Variants in WLS observed in about 807,000 individuals in gnomAD.
WLS encodes the protein protein wntless homolog.
WLS carries 23 observed loss-of-function variants against 62.8 expected under a neutral mutation model. The ratio of observed to expected loss-of-function variants is 0.37; its 90% CI spans 0.26 to 0.52. The LOEUF is 0.52. WLS is among the 20% of genes least tolerant of loss of function. The probability of loss-of-function intolerance (pLI) is 0.92; values close to 1 mark genes in which losing one functional copy is unlikely to be tolerated. For synonymous variants in WLS, 246 were observed against 244.1 expected (o/e 1.01, Z -0.07); for missense variants, 615 against 697.3 (o/e 0.88, Z 1.33).
At chr1:68,111,821 T>TG (rs757998993) in intron 11 of WLS, among the ~76,000 whole-genome samples, 17 of 152,298 alleles carry the variant, frequency 1.1e-4, no homozygotes, top group Non-Finnish European at 1.5e-4. Context: ...ATGTCCTGCT[T>TG]GGGGGGCTGC....
chr1:68,162,357 G>A (rs1022744067), intron 2 of WLS: 20 of 1,613,828 alleles, frequency 1.2e-5, no homozygotes, highest in Non-Finnish European at 5.1e-6. Flanking sequence ...TATGTTCGTT[G>A]AGATTGCAGT....
At chr1:68,122,311 G>T (rs1045226524), downstream of WLS, among the ~76,000 whole-genome samples, 1 of 152,146 alleles carries the variant, frequency 6.6e-6, no homozygotes, top group Non-Finnish European at 1.5e-5. Context: ...CCAAGGGCCC[G>T]ATCAGCTATG....
Position 68,151,351 on chromosome 1 carries a change from C to A in WLS, c.804-995G>T, listed in dbSNP as rs537855697. Among the ~76,000 whole-genome samples the A allele has an allele frequency of 6.6e-5, 10 of 152,216 alleles. No individual in the cohort carries two copies. The South Asian group carries it at 1.7e-3, about 25-fold the overall frequency. On this transcript the variant is annotated intron_variant, in intron 5 of 11. Transcript: ENST00000262348. ...CTGTGCTCATGAAGAAACTTGCATA[C>A]CCCACTGGAGAACTGAAATTTATCT...
At chr1:68,133,204 A>G (rs1646556405) in intron 11 of WLS, among the ~76,000 whole-genome samples, 1 of 152,234 alleles carries the variant, frequency 6.6e-6, no homozygotes, top group African/African-American at 2.4e-5. Context: ...AAATGATTAC[A>G]CATATAATTC....
chr1:68,106,953 G>A (rs72668865), intron 11 of WLS, among the ~76,000 whole-genome samples: 10,967 of 152,072 alleles, frequency 0.072, 512 homozygotes, highest in Non-Finnish European at 0.095. Flanking sequence ...CAACTAAGTC[G>A]GTATGCATTT....
At chr1:68,124,743 A>G (rs920308950), downstream of WLS, among the ~76,000 whole-genome samples, 24 of 152,160 alleles carry the variant, frequency 1.6e-4, no homozygotes, top group African/African-American at 5.8e-4. Flanking sequence ...ACTGCTTACC[A>G]CGCTTTAAGC....
At chr1:68,161,681 T>C in intron 2 of WLS, 1 of 1,094,370 alleles carries the variant, frequency 9.1e-7, no homozygotes, top group South Asian at 1.4e-5. Flanking sequence ...ATATTCTTTT[T>C]CTCTTAGTTC....
At chr1:68,155,472 C>T (rs140588400) in intron 3 of WLS, among the ~76,000 whole-genome samples, 2 of 152,310 alleles carry the variant, frequency 1.3e-5, no homozygotes, top group African/African-American at 2.4e-5. Flanking sequence ...CAACAAAAAA[C>T]AGCTGTATTC....
chr1:68,118,900 AAAG>A (rs1291550153), intron 11 of WLS, among the ~76,000 whole-genome samples: 16 of 145,410 alleles, frequency 1.1e-4, no homozygotes, highest in South Asian at 2.1e-4. Flanking sequence ...AAAAAAAAAA[AAAG>A]CACCTGGCCC....
chr1:68,137,971 G>A (rs1415309856), intron 10 of WLS, 38 bp from the exon 11 acceptor site: 9 of 1,608,042 alleles, frequency 5.6e-6, no homozygotes, highest in Non-Finnish European at 5.9e-6. Flanking sequence ...TTGAAACAGA[G>A]AAGAAACAGA....
intron 11 of WLS, among the ~76,000 whole-genome samples, chr1:68,129,970 T>C (rs561605524): frequency 6.6e-6 from 1 of 152,386 alleles, no homozygotes; most frequent in South Asian, 2.1e-4. Context: ...GATGACGGTC[T>C]ATTTCTTCCT....
chr1:68,208,299 C>G (rs1649366495), intron 1 of WLS, among the ~76,000 whole-genome samples: 1 of 152,232 alleles, frequency 6.6e-6, no homozygotes, highest in South Asian at 2.1e-4. Context: ...TTCCCCTCCT[C>G]TCTTCAGATA....
At chr1:68,173,832 A>G (rs1647190500) in intron 2 of WLS, among the ~76,000 whole-genome samples, 1 of 152,176 alleles carries the variant, frequency 6.6e-6, no homozygotes. Flanking sequence ...CATCCCCTGG[A>G]CACAAGTAAG....
intron 1 of WLS, among the ~76,000 whole-genome samples, chr1:68,215,966 CA>C (rs778250987): frequency 6.6e-6 from 1 of 152,172 alleles, no homozygotes; most frequent in Non-Finnish European, 1.5e-5. Flanking sequence ...AAACTCTGGA[CA>C]CCCTCAGCAG....
chr1:68,126,620 G>A (rs1284481539), intron 11 of WLS, among the ~76,000 whole-genome samples: 3 of 152,106 alleles, frequency 2.0e-5, no homozygotes, highest in Admixed American at 6.6e-5. Flanking sequence ...CATTTAATGA[G>A]CATTTACTTT....
chr1:68,195,418 A>G (rs1158328751), intron 1 of WLS, among the ~76,000 whole-genome samples: 1 of 152,214 alleles, frequency 6.6e-6, no homozygotes, highest in Admixed American at 6.5e-5. Flanking sequence ...ACAAGTTAAC[A>G]TATGAAAGCA....
downstream of WLS, among the ~76,000 whole-genome samples, chr1:68,123,319 T>C (rs1646386255): frequency 6.6e-6 from 1 of 152,178 alleles, no homozygotes; most frequent in Non-Finnish European, 1.5e-5. Context: ...GTTTCTTTCG[T>C]CTTTTTTCCT....
In WLS at chr1:68,160,513, C is replaced by T. The variant is rs142968812; in HGVS notation, c.380-1266G>A. ...GAGTTGGAAATTGGCTAATTGACAA[C>T]GCACTTGCCTTAAACATCTCAAGTA... On this transcript the variant is annotated intron_variant, in intron 2 of 11. Coordinates refer to ENST00000262348, the MANE Select transcript of WLS (RefSeq NM_024911.7). 4.6e-5 allele frequency among the ~76,000 whole-genome samples: 7 copies of T among 152,292 alleles called. No individual in the cohort carries two copies. The East Asian group carries it at 7.7e-4, about 17-fold the overall frequency.
chr1:68,135,486 G>A (rs545983549), intron 11 of WLS, among the ~76,000 whole-genome samples: 2 of 152,096 alleles, frequency 1.3e-5, no homozygotes, highest in South Asian at 4.2e-4. Context: ...GGACTTTTAG[G>A]AGATCACTTA....
Sources: allele counts gnomAD v4.1 joint callset (sites outside exome capture counted in the v4.1 genomes callset), GRCh38; gene constraint gnomAD v4.1.1; transcripts MANE v1.5; gene names NCBI Gene and HGNC (gene_info 2026-07-23, HGNC 2026-07-21).